Variants in PRDM10 observed in about 807,000 individuals in gnomAD.
PRDM10 encodes the protein PR/SET domain 10.
A neutral mutation model predicts 133.1 loss-of-function variants in PRDM10; 65 were observed. The observed-to-expected ratio is 0.49, with a 90% CI of 0.40 to 0.60. The LOEUF (loss-of-function observed/expected upper bound fraction) is 0.60. Among genes scored for constraint, PRDM10 ranks in the 20% least tolerant of loss-of-function variants. PRDM10 has a pLI of 0.00. For synonymous variants in PRDM10, 582 were observed against 580.4 expected (o/e 1.00, Z -0.04); for missense variants, 1,137 against 1,507.1 (o/e 0.75, Z 4.07).
At chr11:129,988,823 G>A (rs1020708981) in intron 1 of PRDM10, among the ~76,000 whole-genome samples, 6 of 151,876 alleles carry the variant, frequency 4.0e-5, no homozygotes, top group African/African-American at 1.5e-4. Flanking sequence ...CAGAGACGGG[G>A]TTTCACCGTG....
intron 1 of PRDM10, among the ~76,000 whole-genome samples, chr11:129,995,844 G>C (rs1591709547): frequency 2.0e-5 from 3 of 152,260 alleles, no homozygotes; most frequent in Admixed American, 2.0e-4. Flanking sequence ...TACTTGGGGG[G>C]CTGAGGCAGG....
intron 17 of PRDM10, 136 bp from the exon 18 acceptor site, chr11:129,912,361 T>A (rs1950212243): frequency 2.0e-6 from 2 of 984,266 alleles, no homozygotes; most frequent in African/African-American, 1.7e-5. Flanking sequence ...ACCCAGCAGT[T>A]TGGGAGGCCA....
At chr11:129,949,537 C>A (rs1951524328) in intron 4 of PRDM10, among the ~76,000 whole-genome samples, 1 of 152,172 alleles carries the variant, frequency 6.6e-6, no homozygotes, top group Admixed American at 6.5e-5. Flanking sequence ...GGAAATAACA[C>A]CAATCCCTTC....
chr11:129,947,511 A>G lies in PRDM10; in HGVS notation c.295-141T>C. 6.6e-7 allele frequency: 1 copy of G among 1,516,392 alleles called. No individual in the cohort carries two copies. Among genetic ancestry groups the G allele is most frequent in the Admixed American group, 2.2e-5 (1 of 46,046 alleles). 93.9% of individuals were successfully genotyped at this position (1,516,392 alleles called of 1,614,324 possible). A position where few individuals can be genotyped will look rare whatever the true frequency, so the allele number is the denominator to read the frequency against. ...ACTCCTTCCAGGCCCTGGAAAAATG[A>G]CTTCCATCTACCGGCTGTGAGGAAG... On this transcript the variant is annotated intron_variant, in intron 4 of 20. Transcript: ENST00000360871. The surrounding 1 kb of genome is among the most constrained non-coding windows in gnomAD (Gnocchi z 4.6).
At chr11:129,948,840 T>C (rs2135890530) in intron 4 of PRDM10, among the ~76,000 whole-genome samples, 1 of 152,334 alleles carries the variant, frequency 6.6e-6, no homozygotes, top group Non-Finnish European at 1.5e-5. Flanking sequence ...GCATTAGTGT[T>C]TACGTTGGCC....
At chr11:129,989,084 T>C (rs1293466554) in intron 1 of PRDM10, among the ~76,000 whole-genome samples, 3 of 152,192 alleles carry the variant, frequency 2.0e-5, no homozygotes, top group South Asian at 2.1e-4. Context: ...CTTTATTCAA[T>C]TGGTCTACAG....
At chr11:129,939,150 TGAG>T (rs1951128672) in intron 7 of PRDM10, among the ~76,000 whole-genome samples, 1 of 152,218 alleles carries the variant, frequency 6.6e-6, no homozygotes, top group Non-Finnish European at 1.5e-5. Flanking sequence ...ACTTACCCCA[TGAG>T]TTATTATTTG....
intron 1 of PRDM10, among the ~76,000 whole-genome samples, chr11:129,984,775 G>A (rs1448815862): frequency 6.6e-6 from 1 of 152,086 alleles, no homozygotes; most frequent in Non-Finnish European, 1.5e-5. Flanking sequence ...GCTCTCTTGG[G>A]TCCTCTTTCT....
chr11:129,988,864 C>T (rs936024460), intron 1 of PRDM10, among the ~76,000 whole-genome samples: 10 of 140,136 alleles, frequency 7.1e-5, no homozygotes, highest in African/African-American at 2.9e-4. Flanking sequence ...CTCCTGACCT[C>T]GTGATCCGCC....
intron 1 of PRDM10, among the ~76,000 whole-genome samples, chr11:129,999,269 T>TCCTGCC (rs1939218530): frequency 1.3e-5 from 2 of 152,168 alleles, no homozygotes; most frequent in Admixed American, 1.3e-4. Flanking sequence ...AAAGTTCCCC[T>TCCTGCC]CTCACCCTCC....
At chr11:129,970,592 T>A (rs948822063) in intron 1 of PRDM10, among the ~76,000 whole-genome samples, 2 of 151,556 alleles carry the variant, frequency 1.3e-5, no homozygotes, top group African/African-American at 2.4e-5. Context: ...TTGCCCAGGA[T>A]GGAGTGCAGT....
rs137910430 is a variant in PRDM10 at position 129,941,571 on chromosome 11, T to G, written c.966+855A>C. Among the ~76,000 whole-genome samples, 518 of 152,338 alleles carry G rather than the reference T, an allele frequency of 3.4e-3. 3 individuals carry two copies. The highest frequency in any genetic ancestry group is 0.012 in the African/African-American group (492 of 41,584). ...ACAGATATACACGCGTTCCTGTCAA[T>G]GGTTTGACTTACAAGTTTTTGACAT... On this transcript the variant is annotated intron_variant, in intron 7 of 20. Coordinates refer to ENST00000360871, the MANE Select transcript of PRDM10 (RefSeq NM_199437.2).
rs1160384057 is a variant in PRDM10 at position 129,930,877 on chromosome 11, A to T, written c.1530+139T>A. 4 of 1,306,918 alleles carry T rather than the reference A, an allele frequency of 3.1e-6. No individual in the cohort carries two copies. In the African/African-American group the frequency reaches 4.4e-5, roughly 15 times the overall value. 81.0% of individuals were successfully genotyped at this position (1,306,918 alleles called of 1,614,324 possible). A position where few individuals can be genotyped will look rare whatever the true frequency, so the allele number is the denominator to read the frequency against. On this transcript the variant is annotated intron_variant, in intron 11 of 20. Coordinates refer to ENST00000360871, the MANE Select transcript of PRDM10 (RefSeq NM_199437.2). Reference sequence around the variant, plus strand: ...AGAAATAGTGAACACTTTCTTTCAAAATAAGGGGATCGAGCATGTGACAGG... The same window carrying T: ...AGAAATAGTGAACACTTTCTTTCAATATAAGGGGATCGAGCATGTGACAGG...
chr11:129,992,867 T>C (rs892461810), intron 1 of PRDM10, among the ~76,000 whole-genome samples: 1 of 152,214 alleles, frequency 6.6e-6, no homozygotes, highest in Non-Finnish European at 1.5e-5. Context: ...TCACCATTGT[T>C]CTAGAAACAA....
rs762819242 is a variant in PRDM10, at chr11:129,899,969, G to GT, written c.*2343dup. The GT allele has an allele frequency of 1.2e-3, 177 of 152,632 alleles. 1 individual carries two copies. The highest frequency in any genetic ancestry group is 1.8e-3 in the Non-Finnish European group (123 of 68,006). 9.5% of individuals were successfully genotyped at this position (152,632 alleles called of 1,614,324 possible). The stretch of plus-strand genomic sequence containing the variant: ...GAAAACAAGAAGATCAAAACAATAG[G>GT]TTTTTCCAGAATAACAGGAATTTTA... On this transcript the variant is annotated 3_prime_UTR_variant, in exon 21 of 21. Transcript: ENST00000360871.
At chr11:129,993,803 A>G (rs1270364446) in intron 1 of PRDM10, among the ~76,000 whole-genome samples, 2 of 152,152 alleles carry the variant, frequency 1.3e-5, no homozygotes, top group Non-Finnish European at 2.9e-5. Context: ...CTTAATTATT[A>G]TAACTCTTCT....
intron 2 of PRDM10, 44 bp from the exon 3 acceptor site, chr11:129,957,954 G>A: frequency 6.4e-7 from 1 of 1,560,606 alleles, no homozygotes; most frequent in Non-Finnish European, 8.7e-7. Context: ...TATCAGGAAG[G>A]TAAGTGATCA....
Position 130,001,679 on chromosome 11 carries a change from G to A in PRDM10, c.-119+1043C>T, listed in dbSNP as rs143916787. Among the ~76,000 whole-genome samples the A allele has an allele frequency of 7.5e-3, 1,143 of 152,302 alleles. 7 individuals carry two copies. The highest frequency in any genetic ancestry group is 0.014 in the Middle Eastern group (4 of 294). Reference sequence around the variant, plus strand: ...CAGCGCTGCGTTCGCGTGGCTGGAGGGCAGACGGGGAATATTCCATTTTAC... The same window carrying A: ...CAGCGCTGCGTTCGCGTGGCTGGAGAGCAGACGGGGAATATTCCATTTTAC... On this transcript the variant is annotated intron_variant, in intron 1 of 20. Transcript: ENST00000360871.
chr11:129,960,339 C>T (rs1248596351), intron 2 of PRDM10, among the ~76,000 whole-genome samples: 1 of 152,084 alleles, frequency 6.6e-6, no homozygotes, highest in Non-Finnish European at 1.5e-5. Flanking sequence ...AGAGATTTGC[C>T]TTCGCTAAGA....
Sources: allele counts gnomAD v4.1 joint callset (sites outside exome capture counted in the v4.1 genomes callset), GRCh38; gene constraint gnomAD v4.1.1; non-coding constraint Gnocchi (gnomAD v3.1); transcripts MANE v1.5; gene names NCBI Gene and HGNC (gene_info 2026-07-23, HGNC 2026-07-21).